The following NCOA3 variants were observed in gnomAD, a reference collection of about 807,000 sequenced individuals.
NCOA3 encodes CBP-interacting protein.
NCOA3 carries 51 observed loss-of-function variants against 158.8 expected under a neutral mutation model. That is an observed-to-expected ratio of 0.32 (90% CI 0.26 to 0.41). The LOEUF (loss-of-function observed/expected upper bound fraction) is 0.41, where lower values mean the gene tolerates loss of function less well. NCOA3 is among the 10% of genes least tolerant of loss of function. The pLI, the probability that NCOA3 is intolerant of heterozygous loss-of-function variation, is 1.00. For missense variants in NCOA3, 1,510 were observed against 1,746.6 expected (o/e 0.86, Z 2.41); for synonymous variants, 537 against 592.4 (o/e 0.91, Z 1.36).
chr20:47,625,129 C>G (rs969438814), intron 4 of NCOA3, among the ~76,000 whole-genome samples: 2 of 152,084 alleles, frequency 1.3e-5, no homozygotes, highest in East Asian at 1.9e-4. Flanking sequence ...TTTGGTAGTT[C>G]CTTTTCAGGA....
chr20:47,525,540 G>A (rs1482686633), intron 1 of NCOA3, among the ~76,000 whole-genome samples: 3 of 145,196 alleles, frequency 2.1e-5, no homozygotes, highest in Admixed American at 6.8e-5. Flanking sequence ...CCTCCTGGAC[G>A]GGGCGGCTGG....
chr20:47,502,088 C>G, intron 1 of NCOA3, 69 bp downstream of exon 1: 1 of 398,928 alleles, frequency 2.5e-6, no homozygotes, highest in East Asian at 3.6e-5. Flanking sequence ...GGAAGAGGGG[C>G]GAGTTCCCCA....
intron 9 of NCOA3, 105 bp from the exon 10 acceptor site, chr20:47,633,943 T>G (rs1313326084): frequency 1.4e-6 from 2 of 1,405,470 alleles, no homozygotes; most frequent in African/African-American, 1.4e-5. Flanking sequence ...AGTCTTTCCT[T>G]GGATTTTTAG....
In NCOA3 at chr20:47,649,025, G is replaced by C; in HGVS notation, c.3567G>C (p.Gln1189His). 6.2e-7 allele frequency: 1 copy of C among 1,613,712 alleles called. No individual in the cohort carries two copies. The highest frequency in any genetic ancestry group is 1.1e-5 in the South Asian group (1 of 91,066). The change falls in exon 19 of 23, where the codon CAG becomes CAC. Residue 1189 changes from glutamine (Q) to histidine (H), a missense_variant. Gln to His is a conservative substitution (Grantham distance 24). Around this residue, in one of 4 missense-constraint regions of NCOA3, gnomAD observed 1,017 missense variants for 1,098.3 expected, o/e 0.93. Coordinates refer to ENST00000371998, the MANE Select transcript of NCOA3 (RefSeq NM_181659.3). ...QGQQFLNQSR[Q>H]ALELKMENPT... ...CTCAGTTTTTGAATCAGAGCCGACA[G>C]GCACTTGAATTGAAAATGGAAAACC...
chr20:47,603,430 C>T (rs1329616024), intron 2 of NCOA3, among the ~76,000 whole-genome samples: 5 of 152,194 alleles, frequency 3.3e-5, no homozygotes, highest in Non-Finnish European at 5.9e-5. Flanking sequence ...TGGGAGTGTC[C>T]AGGGGTGGGA....
rs1022231455 is a variant in NCOA3, at chr20:47,637,595, T to C, written c.2377-53T>C. Reference sequence around the variant, plus strand: ...TCATTTTTTCTGATGGGTATGTTTATACCTGTGTGTCTGGTAATGTATACA... The same window carrying C: ...TCATTTTTTCTGATGGGTATGTTTACACCTGTGTGTCTGGTAATGTATACA... On this transcript the variant is annotated intron_variant, in intron 12 of 22. Coordinates refer to ENST00000371998, the MANE Select transcript of NCOA3 (RefSeq NM_181659.3). 2.8e-6 allele frequency: 4 copies of C among 1,439,540 alleles called. No individual in the cohort carries two copies. The African/African-American group carries it at 4.3e-5, about 16-fold the overall frequency. 89.2% of individuals were successfully genotyped at this position (1,439,540 alleles called of 1,614,324 possible).
chr20:47,515,859 A>G lies in NCOA3; in HGVS notation c.-99+13840A>G, dbSNP rs111959763. ...AGACAATGGCATATTATTCAGTACT[A>G]AAAAGAAATGTGCTATCAATTCATG... On this transcript the variant is annotated intron_variant, in intron 1 of 22. Coordinates refer to ENST00000371998, the MANE Select transcript of NCOA3 (RefSeq NM_181659.3). Among the ~76,000 whole-genome samples, 9 of 152,318 alleles carry G rather than the reference A, an allele frequency of 5.9e-5. 3 individuals carry two copies. Among genetic ancestry groups the G allele is most frequent in the African/African-American group, 2.2e-4 (9 of 41,580 alleles).
intron 2 of NCOA3, among the ~76,000 whole-genome samples, chr20:47,587,639 A>C (rs757173560): frequency 1.3e-5 from 2 of 152,228 alleles, no homozygotes; most frequent in Non-Finnish European, 2.9e-5. Flanking sequence ...AACACAGTGT[A>C]AATACTGTGT....
intron 1 of NCOA3, among the ~76,000 whole-genome samples, chr20:47,505,750 C>T (rs1037100807): frequency 1.3e-5 from 2 of 150,514 alleles, no homozygotes; most frequent in African/African-American, 2.4e-5. Flanking sequence ...TTTGGATTCT[C>T]AGGAATAGCT....
At chr20:47,603,422 G>A (rs1269152800) in intron 2 of NCOA3, among the ~76,000 whole-genome samples, 2 of 152,224 alleles carry the variant, frequency 1.3e-5, no homozygotes, top group Non-Finnish European at 2.9e-5. Context: ...TGTTCTCATG[G>A]GAGTGTCCAG....
chr20:47,642,589 G>A (rs1373644882), intron 17 of NCOA3, among the ~76,000 whole-genome samples: 1 of 152,018 alleles, frequency 6.6e-6, no homozygotes, highest in Non-Finnish European at 1.5e-5. Context: ...ATATACTTAC[G>A]ATTGCGATAT....
At chr20:47,511,383 G>A (rs1206403788) in intron 1 of NCOA3, among the ~76,000 whole-genome samples, 1 of 145,542 alleles carries the variant, frequency 6.9e-6, no homozygotes, top group Non-Finnish European at 1.5e-5. Context: ...AAGTAGCTGG[G>A]ACTACACGTG....
At chr20:47,594,832 C>T (rs2146247350) in intron 2 of NCOA3, among the ~76,000 whole-genome samples, 1 of 145,114 alleles carries the variant, frequency 6.9e-6, no homozygotes, top group African/African-American at 2.6e-5. Context: ...GCTGTTGCCG[C>T]CCAGTCTGGA....
intron 1 of NCOA3, among the ~76,000 whole-genome samples, chr20:47,525,655 C>CG (rs1216293299): frequency 1.1e-4 from 4 of 36,890 alleles, no homozygotes; most frequent in African/African-American, 1.3e-4. Context: ...GCTGGCCGGA[C>CG]GGGGGGGCTG....
In NCOA3 at chr20:47,634,158, G is replaced by T; in HGVS notation, c.1075G>T (p.Asp359Tyr). 1 of 1,614,088 alleles carries T rather than the reference G, an allele frequency of 6.2e-7. No individual in the cohort carries two copies. The highest frequency in any genetic ancestry group is 1.1e-5 in the South Asian group (1 of 91,076). The change falls in exon 10 of 23, where the codon GAT (aspartate) becomes TAT (tyrosine). Residue 359 changes from aspartate to tyrosine, a missense_variant. Around this residue, in one of 4 missense-constraint regions of NCOA3, gnomAD observed 1,017 missense variants for 1,098.3 expected, o/e 0.93. Transcript: ENST00000371998. The stretch of plus-strand genomic sequence containing the variant: ...ACTCTTCCGAAATCCTGTAACAAAT[G>T]ATCGACATGGCTTTGTCTCAACCCA... ...SKLFRNPVTN[D>Y]RHGFVSTHFL...
chr20:47,529,838 T>TTACAACTTTCATTTTAAGA (rs1184871080), intron 1 of NCOA3, among the ~76,000 whole-genome samples: 1 of 152,238 alleles, frequency 6.6e-6, no homozygotes, highest in Non-Finnish European at 1.5e-5. Context: ...TTAAGAAGGC[T>TTACAACTTTCATTTTAAGA]AGTTTAAAAA....
chr20:47,553,161 C>T (rs923416371), intron 1 of NCOA3, among the ~76,000 whole-genome samples: 1 of 152,018 alleles, frequency 6.6e-6, no homozygotes, highest in Non-Finnish European at 1.5e-5. Context: ...TCTTGAATTC[C>T]TGGGCTTAAG....
chr20:47,593,813 G>A (rs1356539050), intron 2 of NCOA3, among the ~76,000 whole-genome samples: 1 of 152,080 alleles, frequency 6.6e-6, no homozygotes, highest in Non-Finnish European at 1.5e-5. Flanking sequence ...CTAAAGTTCT[G>A]TTAGAACCTT....
At chr20:47,538,824 G>A (rs551505838) in intron 1 of NCOA3, among the ~76,000 whole-genome samples, 6 of 152,206 alleles carry the variant, frequency 3.9e-5, no homozygotes, top group Non-Finnish European at 8.8e-5. Context: ...GATTTCAGGC[G>A]TAAGCCACTG....
Sources: gnomAD v4.1 joint callset for allele counts (sites outside exome capture counted in the v4.1 genomes callset) on GRCh38, gnomAD v4.1.1 for gene constraint, gnomAD v4.1.1 regional missense constraint, MANE v1.5 for transcripts, NCBI Gene and HGNC (gene_info 2026-07-23, HGNC 2026-07-21) for gene names.